The following UGT2A1 variants were observed in gnomAD, a reference collection of about 807,000 sequenced individuals.
UGT2A1 encodes the protein UDP glucuronosyltransferase family 2 member A1 complex locus.
Under a neutral mutation model 45.4 loss-of-function variants are expected in UGT2A1, and 61 were observed. The ratio of observed to expected loss-of-function variants is 1.34; its 90% CI spans 1.09 to 1.66. The LOEUF (loss-of-function observed/expected upper bound fraction) is 1.66, where lower values mean the gene tolerates loss of function less well. Among genes scored for constraint, UGT2A1 ranks in the 40% most tolerant of loss-of-function variants. The probability of loss-of-function intolerance (pLI) is 0.00; values close to 1 mark genes in which losing one functional copy is unlikely to be tolerated. For synonymous variants in UGT2A1, 229 were observed against 196.2 expected (o/e 1.17, Z -1.40); for missense variants, 649 against 574.3 (o/e 1.13, Z -1.33).
chr4:69,627,870 A>G (rs1349115811), intron 3 of UGT2A1, among the ~76,000 whole-genome samples: 1 of 151,982 alleles, frequency 6.6e-6, no homozygotes, highest in African/African-American at 2.4e-5. Flanking sequence ...AGGTTAAAAG[A>G]GAATGGAGAT....
At chr4:69,645,536 C>T (rs1345455601) in intron 2 of UGT2A1, among the ~76,000 whole-genome samples, 2 of 151,702 alleles carry the variant, frequency 1.3e-5, no homozygotes, top group Non-Finnish European at 3.0e-5. Flanking sequence ...TAGTCTCATA[C>T]TGCATTATTT....
intron 3 of UGT2A1, among the ~76,000 whole-genome samples, chr4:69,631,319 T>TCA (rs33943659): frequency 1.5e-4 from 1 of 6,756 alleles, no homozygotes; most frequent in Non-Finnish European, 3.0e-4. Context: ...TTAATTTTTA[T>TCA]GTTTTTATTT....
chr4:69,619,008 A>G (rs1720581185), intron 3 of UGT2A1, among the ~76,000 whole-genome samples: 1 of 151,782 alleles, frequency 6.6e-6, no homozygotes, highest in Non-Finnish European at 1.5e-5. Context: ...TAATATATGG[A>G]AAAAAGTTAT....
chr4:69,619,343 G>T (rs1720602361), intron 3 of UGT2A1, among the ~76,000 whole-genome samples: 1 of 151,846 alleles, frequency 6.6e-6, no homozygotes, highest in African/African-American at 2.4e-5. Context: ...AGACTACAGT[G>T]AGCCAACATC....
intron 4 of UGT2A1, among the ~76,000 whole-genome samples, chr4:69,598,007 G>C (rs1481557198): frequency 6.6e-6 from 1 of 152,092 alleles, no homozygotes; most frequent in African/African-American, 2.4e-5. Context: ...GTGTGTTTGT[G>C]TAAAAAGTGG....
chr4:69,592,487 C>A (rs2109875556), intron 6 of UGT2A1, among the ~76,000 whole-genome samples: 1 of 152,072 alleles, frequency 6.6e-6, no homozygotes, highest in Non-Finnish European at 1.5e-5. Context: ...AATATGATAT[C>A]AAAATTGACT....
In UGT2A1 at chr4:69,652,627, T is replaced by C. The variant is rs542128372; in HGVS notation, c.-55+561A>G. Reference sequence around the variant, plus strand: ...TTTTGCATAAAACTTATTTGATTTATAGCATAAAACATTTGACTTATATTT... The same window carrying C: ...TTTTGCATAAAACTTATTTGATTTACAGCATAAAACATTTGACTTATATTT... On this transcript the variant is annotated intron_variant, in intron 1 of 6. Coordinates refer to ENST00000286604, the MANE Select transcript of UGT2A1 (RefSeq NM_001252275.3). Among the ~76,000 whole-genome samples the C allele has an allele frequency of 4.0e-4, 61 of 152,256 alleles. No homozygotes were observed. The South Asian group carries it at 0.011, about 27-fold the overall frequency.
At chr4:69,638,577 G>A (rs999665987) in intron 2 of UGT2A1, among the ~76,000 whole-genome samples, 2 of 151,982 alleles carry the variant, frequency 1.3e-5, no homozygotes, top group African/African-American at 4.8e-5. Flanking sequence ...TATTTGCCAG[G>A]GTATTTTTCA....
intron 3 of UGT2A1, among the ~76,000 whole-genome samples, chr4:69,628,275 T>C (rs4694027): frequency 2.9e-5 from 4 of 136,666 alleles, no homozygotes; most frequent in African/African-American, 5.9e-5. Context: ...AAAATTTATA[T>C]GGAGCCACAA....
intron 3 of UGT2A1, among the ~76,000 whole-genome samples, chr4:69,634,408 G>T (rs1721564869): frequency 6.6e-6 from 1 of 152,044 alleles, no homozygotes; most frequent in East Asian, 1.9e-4. Flanking sequence ...CAGGGTATGA[G>T]AATTAGAGTG....
intron 4 of UGT2A1, among the ~76,000 whole-genome samples, chr4:69,598,789 C>T (rs1719083203): frequency 6.6e-6 from 1 of 151,964 alleles, no homozygotes; most frequent in Non-Finnish European, 1.5e-5. Flanking sequence ...ACCTAAGAGC[C>T]CTGCCTTATT....
At chr4:69,599,711 A>C in intron 3 of UGT2A1, 1 of 189,752 alleles carries the variant, frequency 5.3e-6, no homozygotes, top group Non-Finnish European at 1.0e-5. Context: ...GAGAGAGAGG[A>C]AGAGAGAGAG....
rs1422039774 is a variant in UGT2A1, at chr4:69,632,835, C to T, written c.847+2856G>A. ...CCCAGGAGGCGGGGGTTGCAGTGAGCCGAGATTGCGCCATTGCAATCCAGC... is the reference window on the plus strand; with the variant it reads ...CCCAGGAGGCGGGGGTTGCAGTGAGTCGAGATTGCGCCATTGCAATCCAGC... On this transcript the variant is annotated intron_variant, in intron 3 of 6. Transcript: ENST00000286604. Among the ~76,000 whole-genome samples the T allele has an allele frequency of 2.0e-5, 3 of 151,314 alleles. 1 individual carries two copies. Among genetic ancestry groups the T allele is most frequent in the Non-Finnish European group, 4.4e-5 (3 of 67,916 alleles).
chr4:69,594,204 G>C (rs1481783826), intron 6 of UGT2A1, among the ~76,000 whole-genome samples: 2 of 151,872 alleles, frequency 1.3e-5, no homozygotes, highest in Non-Finnish European at 2.9e-5. Flanking sequence ...TCGATCTCCG[G>C]ACCTTGTGAT....
At chr4:69,646,721 A>G (rs1351968741) in intron 2 of UGT2A1, among the ~76,000 whole-genome samples, 1 of 151,856 alleles carries the variant, frequency 6.6e-6, no homozygotes, top group Non-Finnish European at 1.5e-5. Context: ...AACTGAATTG[A>G]TATATTTAAG....
At chr4:69,596,194 G>A in intron 4 of UGT2A1, 1 of 1,425,556 alleles carries the variant, frequency 7.0e-7, no homozygotes, top group Non-Finnish European at 9.2e-7. Flanking sequence ...ATTACTAGCT[G>A]CATTGTCTCT....
At chr4:69,620,861 T>A (rs1720711616) in intron 3 of UGT2A1, among the ~76,000 whole-genome samples, 1 of 151,714 alleles carries the variant, frequency 6.6e-6, no homozygotes. Context: ...CATCAGATCT[T>A]CTACAAAACT....
At chr4:69,606,803 G>A (rs539718551) in intron 3 of UGT2A1, among the ~76,000 whole-genome samples, 3 of 136,572 alleles carry the variant, frequency 2.2e-5, no homozygotes, top group Admixed American at 1.4e-4. Flanking sequence ...GCCAAATCAC[G>A]AGTGAGCTCC....
intron 2 of UGT2A1, chr4:69,639,672 A>G: frequency 6.6e-7 from 1 of 1,517,140 alleles, no homozygotes; most frequent in Non-Finnish European, 8.8e-7. Context: ...TGAAAAAAAA[A>G]TCTTCAAAGT....
Sources: allele counts gnomAD v4.1 joint callset (sites outside exome capture counted in the v4.1 genomes callset), GRCh38; gene constraint gnomAD v4.1.1; transcripts MANE v1.5; gene names NCBI Gene and HGNC (gene_info 2026-07-23, HGNC 2026-07-21).